The following FNBP1L variants were observed in gnomAD, a reference collection of about 807,000 sequenced individuals.
The protein encoded by FNBP1L is formin-binding protein 1-like.
Under a neutral mutation model 91.2 loss-of-function variants are expected in FNBP1L, and 36 were observed. The observed-to-expected ratio is 0.39, with a 90% CI of 0.30 to 0.52. The LOEUF (loss-of-function observed/expected upper bound fraction) is 0.52. Among genes scored for constraint, FNBP1L ranks in the 20% least tolerant of loss-of-function variants. FNBP1L has a pLI of 0.66. For missense variants in FNBP1L, 571 were observed against 732.1 expected (o/e 0.78, Z 2.54); for synonymous variants, 242 against 237.0 (o/e 1.02, Z -0.19).
chr1:93,522,251 A>T (rs1173787825), intron 3 of FNBP1L, 116 bp downstream of exon 3: 1 of 433,512 alleles, frequency 2.3e-6, no homozygotes, highest in East Asian at 5.4e-5. Context: ...AGTTTAATTT[A>T]AAAATTAATG....
chr1:93,553,384 T>G lies in FNBP1L; in HGVS notation c.*968T>G, dbSNP rs1046187067. 2.0e-5 allele frequency: 3 copies of G among 152,702 alleles called. No homozygotes were observed. Among genetic ancestry groups the G allele is most frequent in the Non-Finnish European group, 4.4e-5 (3 of 68,078 alleles). 9.5% of individuals were successfully genotyped at this position (152,702 alleles called of 1,614,324 possible). On this transcript the variant is annotated 3_prime_UTR_variant, in exon 17 of 17. Transcript: ENST00000271234. Reference sequence around the variant, plus strand: ...TGTGTCAGCTCAGTGCGACCTGCTTTAACTCTGCAGCACCGCTGCAGCTGC... The same window carrying G: ...TGTGTCAGCTCAGTGCGACCTGCTTGAACTCTGCAGCACCGCTGCAGCTGC...
Position 93,499,488 on chromosome 1 carries a change from C to T in FNBP1L, c.45C>T (p.Asp15=), listed in dbSNP as rs758620770. ...TELWDQFDSL[D]KHTQWGIDFL... ...TCCAGGATCAGTTCGACAGCTTAGA[C>T]AAGCATACACAATGGGGAATTGACT... The change falls in exon 2 of 17, where the codon GAC becomes GAT. Residue 15 remains aspartate (D), a synonymous_variant. Coordinates refer to ENST00000271234, the MANE Select transcript of FNBP1L (RefSeq NM_001164473.3). 6.9e-6 allele frequency: 11 copies of T among 1,596,674 alleles called. No individual in the cohort carries two copies. Among genetic ancestry groups the T allele is most frequent in the Non-Finnish European group, 2.6e-6 (3 of 1,172,894 alleles).
intron 10 of FNBP1L, among the ~76,000 whole-genome samples, chr1:93,539,931 A>C (rs934623953): frequency 2.6e-5 from 4 of 152,274 alleles, no homozygotes; most frequent in Admixed American, 2.6e-4. Flanking sequence ...TTTTTATCTG[A>C]CATCTCCCCA....
chr1:93,522,192 TTTA>T (rs919420306), intron 3 of FNBP1L, 57 bp downstream of exon 3: 20 of 830,078 alleles, frequency 2.4e-5, no homozygotes, highest in Admixed American at 1.2e-4. Context: ...TACTTATATT[TTTA>T]TTATTTAGTA....
At chr1:93,507,032 G>A (rs961797857) in intron 2 of FNBP1L, among the ~76,000 whole-genome samples, 1 of 138,564 alleles carries the variant, frequency 7.2e-6, no homozygotes, top group African/African-American at 2.7e-5. Flanking sequence ...AGTGCATGAA[G>A]CCAAAGTACA....
At chr1:93,464,842 AG>A (rs1205849697) in intron 1 of FNBP1L, among the ~76,000 whole-genome samples, 1 of 152,192 alleles carries the variant, frequency 6.6e-6, no homozygotes, top group African/African-American at 2.4e-5. Flanking sequence ...ATTTATCTGC[AG>A]GAACCATTGA....
At chr1:93,467,724 A>T (rs866086507) in intron 1 of FNBP1L, among the ~76,000 whole-genome samples, 2 of 152,214 alleles carry the variant, frequency 1.3e-5, no homozygotes, top group African/African-American at 2.4e-5. Flanking sequence ...GTAGTGTGCC[A>T]TAATTGTGCC....
Position 93,530,821 on chromosome 1 carries a change from T to C in FNBP1L, c.577T>C (p.Leu193=). ...AAATAAAAATGAATATGCTGCACAATTACAAAACTTTAATGGAGAACAACA... is the reference window on the plus strand; with the variant it reads ...AAATAAAAATGAATATGCTGCACAACTACAAAACTTTAATGGAGAACAACA... ...DENKNEYAAQ[L]QNFNGEQHKH... Residue 193 remains leucine, a synonymous_variant, in exon 7 of 17, where the codon TTA becomes CTA. Transcript: ENST00000271234. 1 of 1,567,722 alleles carries C rather than the reference T, an allele frequency of 6.4e-7. No homozygotes were observed. The highest frequency in any genetic ancestry group is 1.3e-5 in the African/African-American group (1 of 74,154).
At chr1:93,538,114 T>C (rs1228653771) in intron 10 of FNBP1L, among the ~76,000 whole-genome samples, 3 of 151,998 alleles carry the variant, frequency 2.0e-5, no homozygotes, top group African/African-American at 7.3e-5. Context: ...CCAGTTAAAA[T>C]AGTCATATTT....
At chr1:93,494,326 A>C (rs758256875) in intron 1 of FNBP1L, among the ~76,000 whole-genome samples, 5 of 152,204 alleles carry the variant, frequency 3.3e-5, no homozygotes, top group Non-Finnish European at 5.9e-5. Context: ...GTTGAGATGC[A>C]CTGCAAGTGG....
chr1:93,463,177 T>G (rs966716465), intron 1 of FNBP1L, among the ~76,000 whole-genome samples: 1 of 152,186 alleles, frequency 6.6e-6, no homozygotes, highest in Middle Eastern at 3.2e-3. Flanking sequence ...AAGCGCTTCC[T>G]TACTTTCTGG....
intron 1 of FNBP1L, among the ~76,000 whole-genome samples, chr1:93,485,142 C>T (rs1669854999): frequency 7.1e-6 from 1 of 139,976 alleles, no homozygotes; most frequent in African/African-American, 2.6e-5. Context: ...CAGAATGAGA[C>T]CCTATCTCTA....
chr1:93,535,782 G>A (rs1671827004), intron 9 of FNBP1L, among the ~76,000 whole-genome samples: 1 of 151,666 alleles, frequency 6.6e-6, no homozygotes, highest in African/African-American at 2.4e-5. Flanking sequence ...TCAGATCGAG[G>A]TAGCTAGAAG....
At chr1:93,470,864 C>T (rs1202935099) in intron 1 of FNBP1L, among the ~76,000 whole-genome samples, 2 of 139,672 alleles carry the variant, frequency 1.4e-5, no homozygotes, top group Non-Finnish European at 3.1e-5. Context: ...CAGAGCGAGA[C>T]TCCATCTCAA....
rs567725883 is a variant in FNBP1L, at chr1:93,516,568, C to T, written c.141-5514C>T. The stretch of plus-strand genomic sequence containing the variant: ...CGATGGCTCACGCTTGTGATCCCAG[C>T]GCTTTGGGAGGCTAAGGTGAGGTCA... On this transcript the variant is annotated intron_variant, in intron 2 of 16. Coordinates refer to ENST00000271234, the MANE Select transcript of FNBP1L (RefSeq NM_001164473.3). Among the ~76,000 whole-genome samples, 153 of 152,224 alleles carry T rather than the reference C, an allele frequency of 1.0e-3. 1 individual carries two copies. The highest frequency in any genetic ancestry group is 3.9e-3 in the South Asian group (19 of 4,822).
intron 2 of FNBP1L, among the ~76,000 whole-genome samples, chr1:93,504,688 G>A (rs935137160): frequency 1.3e-5 from 2 of 152,154 alleles, no homozygotes; most frequent in Non-Finnish European, 2.9e-5. Flanking sequence ...GGTGTGAGTT[G>A]TTATCTCCCT....
At chr1:93,463,308 G>T (rs1414803505) in intron 1 of FNBP1L, among the ~76,000 whole-genome samples, 1 of 152,036 alleles carries the variant, frequency 6.6e-6, no homozygotes, top group Non-Finnish European at 1.5e-5. Flanking sequence ...AACAGATCTG[G>T]GTGCTGGGTA....
chr1:93,448,875 CAG>C (rs1470156543), intron 1 of FNBP1L, among the ~76,000 whole-genome samples: 61 of 152,270 alleles, frequency 4.0e-4, no homozygotes, highest in African/African-American at 1.5e-3. Context: ...GGCCTCGGGC[CAG>C]CCAGGCCCAG....
intron 1 of FNBP1L, among the ~76,000 whole-genome samples, chr1:93,470,821 A>C (rs551539676): frequency 1.3e-5 from 2 of 150,502 alleles, no homozygotes; most frequent in South Asian, 2.1e-4. Flanking sequence ...TGCAGTGAGC[A>C]GAGATCGTGC....
Sources: gnomAD v4.1 joint callset for allele counts (sites outside exome capture counted in the v4.1 genomes callset) on GRCh38, gnomAD v4.1.1 for gene constraint, MANE v1.5 for transcripts, NCBI Gene and HGNC (gene_info 2026-07-23, HGNC 2026-07-21) for gene names.